The following CNTN5 variants were observed in gnomAD, a reference collection of about 807,000 sequenced individuals.
CNTN5 encodes the protein contactin-5.
Under a neutral mutation model 129.1 loss-of-function variants are expected in CNTN5, and 77 were observed. That is an observed-to-expected ratio of 0.60 (90% CI 0.50 to 0.72). CNTN5 has a LOEUF of 0.72. Ranked by LOEUF, CNTN5 falls within the 30% of genes least tolerant of loss-of-function variation. The pLI is 0.00. For synonymous variants in CNTN5, 509 were observed against 465.6 expected, an observed-to-expected ratio of 1.09 and a Z score of -1.20; for missense variants, 1,478 against 1,328.8, an observed-to-expected ratio of 1.11 and a Z score of -1.75.
At chr11:100,159,086 A>C (rs1395117555) in intron 13 of CNTN5, among the ~76,000 whole-genome samples, 1 of 151,896 alleles carries the variant, frequency 6.6e-6, no homozygotes, top group Non-Finnish European at 1.5e-5. Flanking sequence ...ATACTGTGCA[A>C]TTCTATTCAC....
intron 1 of CNTN5, among the ~76,000 whole-genome samples, chr11:99,313,112 T>A (rs941097423): frequency 1.5e-5 from 2 of 136,986 alleles, no homozygotes; most frequent in Non-Finnish European, 3.0e-5. Flanking sequence ...GATTTGAAGT[T>A]TTTTTTTTTT....
intron 1 of CNTN5, among the ~76,000 whole-genome samples, chr11:99,063,951 A>G (rs1864994897): frequency 6.6e-6 from 1 of 152,178 alleles, no homozygotes; most frequent in Middle Eastern, 3.4e-3. Context: ...CTCATATCAC[A>G]TAAATTTATG....
intron 2 of CNTN5, among the ~76,000 whole-genome samples, chr11:99,509,893 G>C (rs765561970): frequency 2.3e-4 from 35 of 151,870 alleles, no homozygotes; most frequent in Non-Finnish European, 4.4e-4. Context: ...ATGCTGCACA[G>C]GAGGTAAACA....
chr11:99,312,825 TC>T (rs397721617), intron 1 of CNTN5, among the ~76,000 whole-genome samples: 15 of 151,378 alleles, frequency 9.9e-5, no homozygotes, highest in Admixed American at 1.3e-4. Context: ...TTTTTTTTTT[TC>T]CCCAGGAGCC....
intron 2 of CNTN5, among the ~76,000 whole-genome samples, chr11:99,437,175 T>C (rs1024231540): frequency 6.6e-6 from 1 of 152,204 alleles, no homozygotes; most frequent in Non-Finnish European, 1.5e-5. Flanking sequence ...CCTAGTACTT[T>C]ACGTGGCAAA....
intron 2 of CNTN5, among the ~76,000 whole-genome samples, chr11:99,444,875 T>A (rs1943997194): frequency 6.6e-6 from 1 of 151,840 alleles, no homozygotes. Flanking sequence ...AATATCACCA[T>A]GTTGATACTA....
chr11:99,208,942 G>A (rs981541973), intron 1 of CNTN5, among the ~76,000 whole-genome samples: 16 of 152,050 alleles, frequency 1.1e-4, no homozygotes, highest in African/African-American at 3.4e-4. Flanking sequence ...TTGAGCATAT[G>A]CATCTCAATT....
chr11:100,178,504 G>C (rs923523727), intron 13 of CNTN5, among the ~76,000 whole-genome samples: 4 of 152,130 alleles, frequency 2.6e-5, no homozygotes, highest in Non-Finnish European at 4.4e-5. Context: ...ATTCGCATGT[G>C]AACAATTAAA....
At chr11:99,441,737 G>A (rs1392179170) in intron 2 of CNTN5, among the ~76,000 whole-genome samples, 1 of 152,196 alleles carries the variant, frequency 6.6e-6, no homozygotes. Flanking sequence ...GATATTAAGA[G>A]TCTTGGCCAT....
At chr11:100,248,820 A>G (rs1241699766) in intron 16 of CNTN5, among the ~76,000 whole-genome samples, 1 of 152,178 alleles carries the variant, frequency 6.6e-6, no homozygotes, top group East Asian at 1.9e-4. Context: ...TAAGGACTCT[A>G]CAGCCTGGCA....
Position 99,844,835 on chromosome 11 carries a change from CTGTTT to C in CNTN5, c.278-13_278-9del, listed in dbSNP as rs1339713546. On this transcript the variant is annotated splice_polypyrimidine_tract_variant and intron_variant, in intron 4 of 24. Coordinates refer to ENST00000524871, the MANE Select transcript of CNTN5 (RefSeq NM_014361.4). ...TAGTTTAAGGAAATTTAAAATGTGT[CTGTTT>C]TGTCTTTACAGAAAGTGTGGACTAT... 6.3e-7 allele frequency: 1 copy of C among 1,594,102 alleles called. No homozygotes were observed. Among genetic ancestry groups the C allele is most frequent in the Admixed American group, 1.8e-5 (1 of 56,620 alleles).
chr11:100,186,973 T>G (rs1183183377), intron 13 of CNTN5, among the ~76,000 whole-genome samples: 2 of 152,138 alleles, frequency 1.3e-5, no homozygotes, highest in African/African-American at 2.4e-5. Context: ...GCAATTTGAA[T>G]CAGTAGACAG....
At chr11:100,121,856 T>C (rs116342108) in intron 13 of CNTN5, among the ~76,000 whole-genome samples, 1 of 151,520 alleles carries the variant, frequency 6.6e-6, no homozygotes, top group South Asian at 2.1e-4. Flanking sequence ...ATAGAGCAGA[T>C]TAAAAGTATT....
chr11:99,521,953 G>A (rs1356980667), intron 2 of CNTN5, among the ~76,000 whole-genome samples: 4 of 152,126 alleles, frequency 2.6e-5, no homozygotes, highest in Admixed American at 2.6e-4. Flanking sequence ...TTTGCAGTAA[G>A]TTTCCTTCTG....
chr11:99,457,384 G>T (rs1456103617), intron 2 of CNTN5, among the ~76,000 whole-genome samples: 1 of 151,804 alleles, frequency 6.6e-6, no homozygotes, highest in Non-Finnish European at 1.5e-5. Context: ...GCTGTCAATA[G>T]AATTTAAAGG....
intron 21 of CNTN5, among the ~76,000 whole-genome samples, chr11:100,321,983 T>C (rs1215076940): frequency 1.3e-5 from 2 of 152,204 alleles, no homozygotes; most frequent in African/African-American, 4.8e-5. Context: ...ATCAGGGATA[T>C]TGGCATATAG....
intron 3 of CNTN5, among the ~76,000 whole-genome samples, chr11:99,749,064 C>A (rs546697483): frequency 5.1e-4 from 78 of 152,260 alleles, no homozygotes; most frequent in African/African-American, 1.8e-3. Flanking sequence ...CATGTGTATT[C>A]AGTCAACATT....
intron 6 of CNTN5, among the ~76,000 whole-genome samples, chr11:99,882,410 A>T (rs188821355): frequency 5.9e-5 from 9 of 152,292 alleles, no homozygotes; most frequent in African/African-American, 2.2e-4. Context: ...TGAGCAGTAA[A>T]CACCCAATAA....
chr11:100,271,021 A>G, intron 17 of CNTN5, 71 bp from the exon 18 acceptor site: 2 of 1,247,590 alleles, frequency 1.6e-6, no homozygotes, highest in Non-Finnish European at 1.1e-6. Flanking sequence ...AGTAGCATTA[A>G]TATTCTTGAT....
Sources: allele counts gnomAD v4.1 joint callset (sites outside exome capture counted in the v4.1 genomes callset), GRCh38; gene constraint gnomAD v4.1.1; transcripts MANE v1.5; gene names NCBI Gene and HGNC (gene_info 2026-07-23, HGNC 2026-07-21).